Variants in ZNF568 observed in about 807,000 individuals in gnomAD.
ZNF568 encodes the protein p53 inhibitor of SCO2 activation.
ZNF568 carries 11 observed loss-of-function variants against 18.1 expected under a neutral mutation model. That is an observed-to-expected ratio of 0.61 (90% CI 0.38 to 1.00). The LOEUF (loss-of-function observed/expected upper bound fraction) is 1.00, where lower values mean the gene tolerates loss of function less well. ZNF568 is among the 50% of genes least tolerant of loss of function. ZNF568 has a pLI of 0.01. For synonymous variants in ZNF568, 213 were observed against 246.6 expected, an observed-to-expected ratio of 0.86 and a Z score of 1.28; for missense variants, 639 against 768.2, an observed-to-expected ratio of 0.83 and a Z score of 1.99.
rs1274713850 is a variant in ZNF568, at chr19:36,949,701, A to C, written c.548A>C (p.Lys183Thr). The C allele has an allele frequency of 1.2e-6, 2 of 1,613,776 alleles. No homozygotes were observed. The highest frequency in any genetic ancestry group is 2.2e-5 in the East Asian group (1 of 44,848). ...QSFYDCDSLDKGLEHNLDLLR... is the reference protein window; with the variant it reads ...QSFYDCDSLDTGLEHNLDLLR... Reference sequence around the variant, plus strand: ...TTCTATGACTGTGACTCACTTGATAAGGGTTTGGAACATAATTTAGACTTA... The same window carrying C: ...TTCTATGACTGTGACTCACTTGATACGGGTTTGGAACATAATTTAGACTTA... Residue 183 changes from lysine to threonine, a missense_variant, in exon 7 of 7, where the codon AAG becomes ACG. Coordinates refer to ENST00000333987, the MANE Select transcript of ZNF568 (RefSeq NM_198539.4).
exon 3 of ZNF568, chr19:36,991,235 C>T (rs1395095782): frequency 6.5e-7 from 1 of 1,536,478 alleles, no homozygotes; most frequent in South Asian, 1.2e-5. Context: ...AATGCTTGCA[C>T]TCTGCTCAGA....
intron 6 of ZNF568, among the ~76,000 whole-genome samples, chr19:36,941,097 GCC>G (rs1223810368): frequency 1.3e-5 from 2 of 152,046 alleles, no homozygotes; most frequent in East Asian, 3.9e-4. Flanking sequence ...CTATAGTTTT[GCC>G]CTGTGCATGG....
At chr19:36,940,367 C>G (rs1356485214) in intron 6 of ZNF568, among the ~76,000 whole-genome samples, 2 of 152,196 alleles carry the variant, frequency 1.3e-5, no homozygotes, top group African/African-American at 4.8e-5. Flanking sequence ...TTGCCCATCT[C>G]TCAACTAACA....
At chr19:36,986,301 TG>T (rs1293938471) in intron 2 of ZNF568, among the ~76,000 whole-genome samples, 1 of 152,082 alleles carries the variant, frequency 6.6e-6, no homozygotes, top group Non-Finnish European at 1.5e-5. Flanking sequence ...CTTTGTAGTA[TG>T]GAATTAATTA....
chr19:36,950,489 T>A lies in ZNF568; in HGVS notation c.1336T>A (p.Tyr446Asn), dbSNP rs376346112. ...HMRNHTAEKP[Y>N]ECKECGKAFS... is the part of the protein sequence containing the mutation. ...GCGAAATCATACAGCTGAGAAACCCTATGAATGTAAGGAATGTGGAAAAGC... is the reference window on the plus strand; with the variant it reads ...GCGAAATCATACAGCTGAGAAACCCAATGAATGTAAGGAATGTGGAAAAGC... The change falls in exon 7 of 7, where the codon TAT becomes AAT. Residue 446 changes from tyrosine (Y) to asparagine (N), a missense_variant. By Grantham distance (143) the Tyr-to-Asn change is moderately radical. Transcript: ENST00000333987. 9.3e-6 allele frequency: 15 copies of A among 1,613,636 alleles called. No homozygotes were observed. The South Asian group carries it at 1.3e-4, about 14-fold the overall frequency.
rs2074063492 is a variant in ZNF568, at chr19:36,951,775, T to C, written c.*687T>C. On this transcript the variant is annotated 3_prime_UTR_variant, in exon 7 of 7. Coordinates refer to ENST00000333987, the MANE Select transcript of ZNF568 (RefSeq NM_198539.4). ...ACTGCAGCCTCTGCTTTCCGGGTTTTTTTGTTTTGTTTTGTTTTGTTTTTT... is the reference window on the plus strand; with the variant it reads ...ACTGCAGCCTCTGCTTTCCGGGTTTCTTTGTTTTGTTTTGTTTTGTTTTTT... 3 of 213,012 alleles carry C rather than the reference T, an allele frequency of 1.4e-5. No individual in the cohort carries two copies. Among genetic ancestry groups the C allele is most frequent in the Non-Finnish European group, 8.0e-6 (1 of 124,620 alleles). The allele number at this position is 213,012 out of a possible 1,614,324, so 13.2% of individuals were successfully genotyped here.
intron 6 of ZNF568, among the ~76,000 whole-genome samples, chr19:36,942,427 A>G (rs1348643013): frequency 6.6e-6 from 1 of 151,372 alleles, no homozygotes; most frequent in East Asian, 2.0e-4. Context: ...GTGAAACCCC[A>G]TCTCTATTAA....
downstream of ZNF568, among the ~76,000 whole-genome samples, chr19:36,981,216 C>G (rs1375350772): frequency 6.6e-6 from 1 of 152,186 alleles, no homozygotes; most frequent in African/African-American, 2.4e-5. Flanking sequence ...ACCATACTGC[C>G]TAAAGACTGC....
downstream of ZNF568, chr19:36,997,375 C>T: frequency 1.3e-6 from 2 of 1,593,392 alleles, no homozygotes; most frequent in South Asian, 2.2e-5. Flanking sequence ...TGGTGAAAAA[C>T]CCTATGAGTG....
At chr19:36,948,573 C>T (rs762641181) in intron 6 of ZNF568, among the ~76,000 whole-genome samples, 41 of 151,914 alleles carry the variant, frequency 2.7e-4, no homozygotes, top group Non-Finnish European at 4.7e-4. Flanking sequence ...TTTGCAGTCC[C>T]ACCAGCAATG....
rs113101534 is a variant in ZNF568, at chr19:36,917,293, A to G, written c.-255-286A>G. Reference sequence around the variant, plus strand: ...TGCTCCTGATGGGTCACCAGAGCGCAAGAGAGATTGCCTCAACCAGAGCAA... The same window carrying G: ...TGCTCCTGATGGGTCACCAGAGCGCGAGAGAGATTGCCTCAACCAGAGCAA... On this transcript the variant is annotated intron_variant, in intron 1 of 6. Transcript: ENST00000333987. Among the ~76,000 whole-genome samples, 331 of 152,360 alleles carry G rather than the reference A, an allele frequency of 2.2e-3. 1 individual carries two copies. The highest frequency in any genetic ancestry group is 3.7e-3 in the Non-Finnish European group (251 of 68,036).
chr19:36,986,870 C>T (rs1406524664), intron 2 of ZNF568, among the ~76,000 whole-genome samples: 1 of 152,136 alleles, frequency 6.6e-6, no homozygotes, highest in African/African-American at 2.4e-5. Context: ...CCCCTAAGTG[C>T]AGGGGCCAGC....
intron 4 of ZNF568, among the ~76,000 whole-genome samples, chr19:36,927,901 A>G (rs1286412938): frequency 4.3e-5 from 1 of 23,092 alleles, no homozygotes; most frequent in Non-Finnish European, 7.5e-5. Context: ...ATATATATAT[A>G]TATTTTTTTT....
At chr19:36,971,018 G>A (rs1170431123) in intron 6 of ZNF568, among the ~76,000 whole-genome samples, 5 of 151,910 alleles carry the variant, frequency 3.3e-5, no homozygotes, top group Admixed American at 1.3e-4. Context: ...TGAGGTGGGC[G>A]GATCACCTGA....
intron 4 of ZNF568, among the ~76,000 whole-genome samples, chr19:36,935,794 A>G (rs979660856): frequency 6.6e-6 from 1 of 151,992 alleles, no homozygotes; most frequent in Non-Finnish European, 1.5e-5. Flanking sequence ...CTAGCTTTCT[A>G]TGGTTGTTCG....
At chr19:36,957,027 GT>G (rs1381817865), downstream of ZNF568, among the ~76,000 whole-genome samples, 6 of 151,942 alleles carry the variant, frequency 3.9e-5, no homozygotes, top group Non-Finnish European at 5.9e-5. Context: ...GAGCGTCATT[GT>G]TACACAACTT....
At chr19:36,979,139 A>T (rs1459091696) in exon 8 of ZNF568, 2 of 236,192 alleles carry the variant, frequency 8.5e-6, no homozygotes, top group African/African-American at 2.4e-5. Flanking sequence ...ATGTGTCACC[A>T]CACCCAGCTA....
At chr19:36,947,586 TCC>T (rs1310975001) in intron 6 of ZNF568, among the ~76,000 whole-genome samples, 6 of 152,278 alleles carry the variant, frequency 3.9e-5, no homozygotes, top group Middle Eastern at 3.4e-3. Context: ...CTTAAGCAGA[TCC>T]ATAACTCTTG....
rs2074061837 is a variant in ZNF568 at position 36,951,672 on chromosome 19, T to C, written c.*584T>C. On this transcript the variant is annotated 3_prime_UTR_variant, in exon 7 of 7. Coordinates refer to ENST00000333987, the MANE Select transcript of ZNF568 (RefSeq NM_198539.4). ...CGACATACTAAAAAATCAATATTCTTTTTTTTTTTTTTTTTTTTTTGAGAC... is the reference window on the plus strand; with the variant it reads ...CGACATACTAAAAAATCAATATTCTCTTTTTTTTTTTTTTTTTTTTGAGAC... 1 of 141,228 alleles carries C rather than the reference T, an allele frequency of 7.1e-6. No individual in the cohort carries two copies. Among genetic ancestry groups the C allele is most frequent in the African/African-American group, 2.6e-5 (1 of 39,172 alleles). The allele number at this position is 141,228 out of a possible 1,614,324, so 8.7% of individuals were successfully genotyped here.
Sources: gnomAD v4.1 joint callset for allele counts (sites outside exome capture counted in the v4.1 genomes callset) on GRCh38, gnomAD v4.1.1 for gene constraint, MANE v1.5 for transcripts, NCBI Gene and HGNC (gene_info 2026-07-23, HGNC 2026-07-21) for gene names.